SOX14: variants seen among roughly 807,000 people sequenced by gnomAD.
SOX14 encodes the protein SRY-box transcription factor 14, also known as transcription factor SOX-14.
A neutral mutation model predicts 14.8 loss-of-function variants in SOX14; 5 were observed. The observed-to-expected ratio is 0.34, with a 90% CI of 0.18 to 0.71. The LOEUF is 0.71. Among genes scored for constraint, SOX14 ranks in the 30% least tolerant of loss-of-function variants. SOX14 has a pLI of 0.64. For synonymous variants in SOX14, 164 were observed against 146.3 expected (o/e 1.12, Z -0.87); for missense variants, 270 against 329.7 (o/e 0.82, Z 1.40).
chr3:137,765,209 C>A lies in SOX14; in HGVS notation c.425C>A (p.Ala142Glu). The A allele has an allele frequency of 6.2e-7, 1 of 1,611,878 alleles. No individual in the cohort carries two copies. The highest frequency in any genetic ancestry group is 8.5e-7 in the Non-Finnish European group (1 of 1,179,180). ...GCGCCCTACTCCCTGCTGGACCCCG[C>A]GCAGTTTAGCTCGAGCGCCATCCAG... is the stretch of plus-strand genomic sequence containing the variant. ...ASAPYSLLDP[A>E]QFSSSAIQKM... The change falls in exon 1 of 1, where the codon GCG becomes GAG. Residue 142 changes from alanine to glutamate, a missense_variant. Transcript: ENST00000306087.
Position 137,764,575 on chromosome 3 carries a change from C to T in SOX14, c.-210C>T. 3 of 366,846 alleles carry T rather than the reference C, an allele frequency of 8.2e-6. No individual in the cohort carries two copies. The highest frequency in any genetic ancestry group is 1.4e-5 in the Non-Finnish European group (3 of 212,216). The allele number at this position is 366,846 out of a possible 1,614,324, so 22.7% of individuals were successfully genotyped here. ...CTCCCCCGCCCTTTCTGCCCCCACT[C>T]GCTCCCCCGGGGCTGCCTGGGCGCT... On this transcript the variant is annotated 5_prime_UTR_variant, in exon 1 of 1. Transcript: ENST00000306087.
In SOX14 at chr3:137,765,751, C is replaced by T; in HGVS notation, c.*244C>T. 1 of 466,862 alleles carries T rather than the reference C, an allele frequency of 2.1e-6. No individual in the cohort carries two copies. Among genetic ancestry groups the T allele is most frequent in the Admixed American group, 3.9e-5 (1 of 25,656 alleles). 28.9% of individuals were successfully genotyped at this position (466,862 alleles called of 1,614,324 possible). On this transcript the variant is annotated 3_prime_UTR_variant, in exon 1 of 1. Transcript: ENST00000306087. Reference sequence around the variant, plus strand: ...ACACAGCTGCCCCTATCCCGACTCTCCCAAAACAAATCTCCGACTGTACCC... The same window carrying T: ...ACACAGCTGCCCCTATCCCGACTCTTCCAAAACAAATCTCCGACTGTACCC...
rs1939209968 is a variant in SOX14 at position 137,764,721 on chromosome 3, C to T, written c.-64C>T. Reference sequence around the variant, plus strand: ...CAGGACGGACAGACAGACGGCCAGCCGCGCCCAGGCTCGTCTGCAGAACCC... The same window carrying T: ...CAGGACGGACAGACAGACGGCCAGCTGCGCCCAGGCTCGTCTGCAGAACCC... On this transcript the variant is annotated 5_prime_UTR_variant, in exon 1 of 1. Transcript: ENST00000306087. 6.4e-7 allele frequency: 1 copy of T among 1,563,886 alleles called. No homozygotes were observed. Among genetic ancestry groups the T allele is most frequent in the African/African-American group, 1.4e-5 (1 of 72,800 alleles).
rs199932938 is a variant in SOX14 at position 137,765,047 on chromosome 3, A to G, written c.263A>G (p.Lys88Arg). The change falls in exon 1 of 1, where the codon AAG (lysine) becomes AGG (arginine). Residue 88 changes from lysine to arginine, a missense_variant. Transcript: ENST00000306087. ...RPRRKPKNLLKKDRYVFPLPY... is the reference protein window; with the variant it reads ...RPRRKPKNLLRKDRYVFPLPY... ...CGGCGCAAGCCCAAGAACCTGCTCA[A>G]GAAGGACAGGTATGTCTTCCCCTTG... 4.3e-4 allele frequency: 687 copies of G among 1,614,124 alleles called. No individual in the cohort carries two copies. The highest frequency in any genetic ancestry group is 5.7e-4 in the Non-Finnish European group (669 of 1,180,050).
rs780332312 is a variant in SOX14 at position 137,765,547 on chromosome 3, C to T, written c.*40C>T. Reference sequence around the variant, plus strand: ...CGGACCTGAGGCGTGGTCTGAAAGCCGGGTCTGCACCCTGTCCTCTGAGCC... The same window carrying T: ...CGGACCTGAGGCGTGGTCTGAAAGCTGGGTCTGCACCCTGTCCTCTGAGCC... On this transcript the variant is annotated 3_prime_UTR_variant, in exon 1 of 1. Coordinates refer to ENST00000306087, the MANE Select transcript of SOX14 (RefSeq NM_004189.4). The T allele has an allele frequency of 9.6e-6, 15 of 1,554,682 alleles. No homozygotes were observed. The highest frequency in any genetic ancestry group is 3.7e-5 in the Admixed American group (2 of 54,294).
In SOX14 at chr3:137,765,317, G is replaced by A; in HGVS notation, c.533G>A (p.Gly178Asp). 1 of 1,582,896 alleles carries A rather than the reference G, an allele frequency of 6.3e-7. No individual in the cohort carries two copies. The highest frequency in any genetic ancestry group is 8.6e-7 in the Non-Finnish European group (1 of 1,165,416). The change falls in exon 1 of 1, where the codon GGC becomes GAC. Residue 178 changes from glycine to aspartate, a missense_variant. By Grantham distance (94) the Gly-to-Asp change is moderately conservative. This residue lies in a region of SOX14 where 207 missense variants were observed against 210.9 expected (regional missense o/e 0.98). Coordinates refer to ENST00000306087, the MANE Select transcript of SOX14 (RefSeq NM_004189.4). ...CTGGGCTACCAGAACGGCGCCTTCG[G>A]CAGCCTCAGCTGCCCCAGCCAGCAC... ...STLGYQNGAFGSLSCPSQHTH... is the reference protein window; with the variant it reads ...STLGYQNGAFDSLSCPSQHTH...
At position 137,764,578 on chromosome 3, in the gene SOX14, T is replaced by G; in HGVS notation, c.-207T>G. ...CCCCGCCCTTTCTGCCCCCACTCGC[T>G]CCCCCGGGGCTGCCTGGGCGCTGGG... On this transcript the variant is annotated 5_prime_UTR_variant, in exon 1 of 1. Coordinates refer to ENST00000306087, the MANE Select transcript of SOX14 (RefSeq NM_004189.4). The G allele has an allele frequency of 3.5e-5, 2 of 56,842 alleles. No individual in the cohort carries two copies. The highest frequency in any genetic ancestry group is 3.3e-4 in the East Asian group (1 of 3,020). 3.5% of individuals were successfully genotyped at this position (56,842 alleles called of 1,614,324 possible). A position where few individuals can be genotyped will look rare whatever the true frequency, so the allele number is the denominator to read the frequency against.
chr3:137,765,468 C>T lies in SOX14; in HGVS notation c.684C>T (p.Gly228=). The T allele has an allele frequency of 6.2e-7, 1 of 1,612,468 alleles. No individual in the cohort carries two copies. Among genetic ancestry groups the T allele is most frequent in the Non-Finnish European group, 8.5e-7 (1 of 1,179,336 alleles). The stretch of plus-strand genomic sequence containing the variant: ...TCTTCCCAGGCATGACCAAGACTGG[C>T]ATAGACCCTTATTCGTCAGCCCACG... The part of the protein sequence containing the change: ...YILFPGMTKT[G]IDPYSSAHAT... The change falls in exon 1 of 1, where the codon GGC becomes GGT. Residue 228 remains glycine, a synonymous_variant. Coordinates refer to ENST00000306087, the MANE Select transcript of SOX14 (RefSeq NM_004189.4).
In SOX14 at chr3:137,765,686, C is replaced by G; in HGVS notation, c.*179C>G. 2.7e-6 allele frequency: 2 copies of G among 736,824 alleles called. No homozygotes were observed. Among genetic ancestry groups the G allele is most frequent in the Non-Finnish European group, 4.1e-6 (2 of 484,610 alleles). The allele number at this position is 736,824 out of a possible 1,614,324, so 45.6% of individuals were successfully genotyped here. A position where few individuals can be genotyped will look rare whatever the true frequency, so the allele number is the denominator to read the frequency against. ...GTGGGGCGTCCTCCCGGACCCAAGG[C>G]GCAGACAGGTACCGGAAACTTGCAA... On this transcript the variant is annotated 3_prime_UTR_variant, in exon 1 of 1. Coordinates refer to ENST00000306087, the MANE Select transcript of SOX14 (RefSeq NM_004189.4).
chr3:137,765,549 G>T lies in SOX14; in HGVS notation c.*42G>T, dbSNP rs373024392. 7 of 1,554,830 alleles carry T rather than the reference G, an allele frequency of 4.5e-6. No homozygotes were observed. The South Asian group carries it at 8.7e-5, about 19-fold the overall frequency. The stretch of plus-strand genomic sequence containing the variant: ...GACCTGAGGCGTGGTCTGAAAGCCG[G>T]GTCTGCACCCTGTCCTCTGAGCCTA... On this transcript the variant is annotated 3_prime_UTR_variant, in exon 1 of 1. Coordinates refer to ENST00000306087, the MANE Select transcript of SOX14 (RefSeq NM_004189.4).
rs1045425607 is a variant in SOX14, at chr3:137,766,254, C to G, written c.*747C>G. 6.6e-6 allele frequency: 1 copy of G among 152,204 alleles called. No individual in the cohort carries two copies. The allele number at this position is 152,204 out of a possible 1,614,324, so 9.4% of individuals were successfully genotyped here. ...TTTTGACGATGTCTTGGAAATGTAC[C>G]TAGAAGGATTTTACCTCGTTGCTCT... On this transcript the variant is annotated 3_prime_UTR_variant, in exon 1 of 1. Coordinates refer to ENST00000306087, the MANE Select transcript of SOX14 (RefSeq NM_004189.4).
In SOX14 at chr3:137,765,650, CA is replaced by C. The variant is rs1164395638; in HGVS notation, c.*144del. 1.7e-5 allele frequency: 20 copies of C among 1,149,670 alleles called. No individual in the cohort carries two copies. Among genetic ancestry groups the C allele is most frequent in the African/African-American group, 7.9e-5 (5 of 63,582 alleles). The allele number at this position is 1,149,670 out of a possible 1,614,324, so 71.2% of individuals were successfully genotyped here. On this transcript the variant is annotated 3_prime_UTR_variant, in exon 1 of 1. Coordinates refer to ENST00000306087, the MANE Select transcript of SOX14 (RefSeq NM_004189.4). Reference sequence around the variant, plus strand: ...CCACCCAGACTTTTCCTCTCTCTTCCAGGGGGAAGGGTGGGGCGTCCTCCCG... The same window carrying C: ...CCACCCAGACTTTTCCTCTCTCTTCCGGGGGAAGGGTGGGGCGTCCTCCCG...
At position 137,765,626 on chromosome 3, in the gene SOX14, C is replaced by T; in HGVS notation, c.*119C>T. 1 of 1,298,324 alleles carries T rather than the reference C, an allele frequency of 7.7e-7. No homozygotes were observed. The highest frequency in any genetic ancestry group is 1.0e-6 in the Non-Finnish European group (1 of 962,578). 80.4% of individuals were successfully genotyped at this position (1,298,324 alleles called of 1,614,324 possible). On this transcript the variant is annotated 3_prime_UTR_variant, in exon 1 of 1. Transcript: ENST00000306087. ...TCAGCCCTGCCGCTGTCCCTTACAC[C>T]ACCCAGACTTTTCCTCTCTCTTCCA...
At position 137,765,207 on chromosome 3, in the gene SOX14, C is replaced by T; in HGVS notation, c.423C>T (p.Pro141=). Residue 141 remains proline, a synonymous_variant, in exon 1 of 1, where the codon CCC becomes CCT. Transcript: ENST00000306087. The part of the protein sequence containing the change: ...PASAPYSLLD[P]AQFSSSAIQK... ...CGGCGCCCTACTCCCTGCTGGACCC[C>T]GCGCAGTTTAGCTCGAGCGCCATCC... 6.2e-7 allele frequency: 1 copy of T among 1,612,104 alleles called. No individual in the cohort carries two copies. Among genetic ancestry groups the T allele is most frequent in the East Asian group, 2.2e-5 (1 of 44,828 alleles).
rs796413000 is a variant in SOX14 at position 137,764,384 on chromosome 3, G to T, written c.-401G>T. 68 of 171,136 alleles carry T rather than the reference G, an allele frequency of 4.0e-4. No homozygotes were observed. Among genetic ancestry groups the T allele is most frequent in the African/African-American group, 1.6e-3 (67 of 41,924 alleles). 10.6% of individuals were successfully genotyped at this position (171,136 alleles called of 1,614,324 possible). A position where few individuals can be genotyped will look rare whatever the true frequency, so the allele number is the denominator to read the frequency against. ...CCACGGGAAGGGGGAGCCACGACTG[G>T]AAACGCAAGAGGAGAGAAGGGAACT... is the stretch of plus-strand genomic sequence containing the variant. On this transcript the variant is annotated 5_prime_UTR_variant, in exon 1 of 1. Coordinates refer to ENST00000306087, the MANE Select transcript of SOX14 (RefSeq NM_004189.4).
In SOX14 at chr3:137,765,142, A is replaced by T. The variant is rs766561461; in HGVS notation, c.358A>T (p.Ser120Cys). The T allele has an allele frequency of 1.9e-6, 3 of 1,612,664 alleles. No individual in the cohort carries two copies. The highest frequency in any genetic ancestry group is 2.5e-6 in the Non-Finnish European group (3 of 1,179,314). The change falls in exon 1 of 1, where the codon AGC becomes TGC. Residue 120 changes from serine (S) to cysteine (C), a missense_variant. Physicochemically the swap from Ser to Cys is moderately radical, Grantham distance 112. Around this residue, in one of 2 missense-constraint regions of SOX14, gnomAD observed 207 missense variants for 210.9 expected, o/e 0.98. Coordinates refer to ENST00000306087, the MANE Select transcript of SOX14 (RefSeq NM_004189.4). ...LPVGASDGLL[S>C]APEKARAFLP... ...CGTGGGGGCCTCCGACGGCCTCCTG[A>T]GCGCGCCCGAGAAAGCCCGGGCCTT...
In SOX14 at chr3:137,764,851, C is replaced by A. The variant is rs192855180; in HGVS notation, c.67C>A (p.Arg23=). 200 of 1,614,180 alleles carry A rather than the reference C, an allele frequency of 1.2e-4. No homozygotes were observed. In the East Asian group the frequency reaches 4.4e-3, roughly 36 times the overall value. Residue 23 remains arginine, a synonymous_variant, in exon 1 of 1, where the codon CGG becomes AGG. Coordinates refer to ENST00000306087, the MANE Select transcript of SOX14 (RefSeq NM_004189.4). ...CTTCATGGTATGGTCCCGGGGCCAG[C>A]GGCGCAAGATGGCCCAGGAAAACCC... ...NAFMVWSRGQ[R]RKMAQENPKM... is the part of the protein sequence containing the mutation.
At position 137,765,560 on chromosome 3, in the gene SOX14, T is replaced by C. The variant is rs1412145250; in HGVS notation, c.*53T>C. ...TGGTCTGAAAGCCGGGTCTGCACCC[T>C]GTCCTCTGAGCCTAGCCCCGGCCTG... On this transcript the variant is annotated 3_prime_UTR_variant, in exon 1 of 1. Coordinates refer to ENST00000306087, the MANE Select transcript of SOX14 (RefSeq NM_004189.4). The C allele has an allele frequency of 6.5e-7, 1 of 1,544,172 alleles. No individual in the cohort carries two copies.
Position 137,764,762 on chromosome 3 carries a change from C to A in SOX14, c.-23C>A. 2.5e-6 allele frequency: 4 copies of A among 1,611,812 alleles called. No homozygotes were observed. Among genetic ancestry groups the A allele is most frequent in the Non-Finnish European group, 3.4e-6 (4 of 1,179,274 alleles). On this transcript the variant is annotated 5_prime_UTR_variant, in exon 1 of 1. Coordinates refer to ENST00000306087, the MANE Select transcript of SOX14 (RefSeq NM_004189.4). The stretch of plus-strand genomic sequence containing the variant: ...TGCAGAACCCTTGCACTCCCTACCC[C>A]CACCCACCTAGCCGCCGGGACCATG...
Sources: gnomAD v4.1 joint callset for allele counts on GRCh38, gnomAD v4.1.1 for gene constraint, gnomAD v4.1.1 regional missense constraint, MANE v1.5 for transcripts, NCBI Gene and HGNC (gene_info 2026-07-23, HGNC 2026-07-21) for gene names.